The following NCBP3 variants were observed in gnomAD, a reference collection of about 807,000 sequenced individuals.
NCBP3 encodes nuclear cap-binding protein subunit 3.
Under a neutral mutation model 75.7 loss-of-function variants are expected in NCBP3, and 20 were observed. The observed-to-expected ratio is 0.26, with a 90% confidence interval of 0.19 to 0.38. The LOEUF is 0.38. NCBP3 is among the 10% of genes least tolerant of loss of function. The pLI, the probability that NCBP3 is intolerant of heterozygous loss-of-function variation, is 1.00. For synonymous variants in NCBP3, 293 were observed against 290.5 expected, an observed-to-expected ratio of 1.01 and a Z score of -0.09; for missense variants, 678 against 796.9, an observed-to-expected ratio of 0.85 and a Z score of 1.80.
intron 6 of NCBP3, 146 bp downstream of exon 6, chr17:3,825,621 T>TA (rs1385143717): frequency 1.6e-6 from 1 of 607,746 alleles, no homozygotes; most frequent in Non-Finnish European, 2.9e-6. Flanking sequence ...CACACTAACT[T>TA]AAAGGACAAG....
At position 3,832,474 on chromosome 17, in the gene NCBP3, C is replaced by CA. The variant is rs1405220584; in HGVS notation, c.356-3107dup. ...TGAAACCCCGTCTCTACTAAAAATA[C>CA]AAAACAATTAGCCAGGTGTGGTGGC... is the stretch of plus-strand genomic sequence containing the variant. On this transcript the variant is annotated intron_variant, in intron 3 of 12. Coordinates refer to ENST00000389005, the MANE Select transcript of NCBP3 (RefSeq NM_001114118.3). 8.6e-5 allele frequency among the ~76,000 whole-genome samples: 10 copies of CA among 115,920 alleles called. 3 individuals are homozygous for CA. Among genetic ancestry groups the CA allele is most frequent in the Admixed American group, 2.6e-4 (3 of 11,418 alleles). 76.0% of individuals were successfully genotyped at this position (115,920 alleles called of 152,430 possible).
At chr17:3,823,387 G>GGAT (rs2053708364) in intron 7 of NCBP3, among the ~76,000 whole-genome samples, 1 of 152,018 alleles carries the variant, frequency 6.6e-6, no homozygotes, top group African/African-American at 2.4e-5. Flanking sequence ...TGATATCCAT[G>GGAT]GATGATAACC....
At position 3,825,005 on chromosome 17, in the gene NCBP3, C is replaced by G; in HGVS notation, c.733G>C (p.Asp245His). ...GCAAGTTTGTTAGCTGGACGAAGATCGTTTCTTAACAAAGACTCCTCTTCT... is the reference window on the plus strand; with the variant it reads ...GCAAGTTTGTTAGCTGGACGAAGATGGTTTCTTAACAAAGACTCCTCTTCT... ...QVEEESLLRN[D>H]LRPANKLAKG... The change falls in exon 7 of 13, where the codon GAT (aspartate) becomes CAT (histidine). Residue 245 changes from aspartate (D) to histidine (H), a missense_variant. Asp to His is a moderately conservative substitution (Grantham distance 81). Around this residue, in one of 7 missense-constraint regions of NCBP3, gnomAD observed 98 missense variants for 101.8 expected, o/e 0.96. Transcript: ENST00000389005. The G allele has an allele frequency of 3.2e-6, 5 of 1,545,852 alleles. No individual in the cohort carries two copies. The highest frequency in any genetic ancestry group is 4.4e-6 in the Non-Finnish European group (5 of 1,144,254).
At chr17:3,839,170 T>C (rs1176422077) in intron 3 of NCBP3, among the ~76,000 whole-genome samples, 1 of 152,138 alleles carries the variant, frequency 6.6e-6, no homozygotes, top group Admixed American at 6.5e-5. Flanking sequence ...CTATATACAA[T>C]AATTCGGGGT....
At chr17:3,842,093 G>A (rs570264078) in intron 2 of NCBP3, among the ~76,000 whole-genome samples, 1 of 152,044 alleles carries the variant, frequency 6.6e-6, no homozygotes, top group Non-Finnish European at 1.5e-5. Flanking sequence ...GTGGTAATCT[G>A]GTAATAGCAA....
At chr17:3,838,281 G>A (rs745828127) in intron 3 of NCBP3, among the ~76,000 whole-genome samples, 2 of 152,258 alleles carry the variant, frequency 1.3e-5, no homozygotes, top group East Asian at 1.9e-4. Context: ...GGCATGAGCC[G>A]TATCAGAGGC....
rs183775630 is a variant in NCBP3, at chr17:3,839,012, A to G, written c.355+1088T>C. ...GCTGCCTACTAAACCCTTTATGAACACCCAAATTTGCAAATAACACAGAGG... is the reference window on the plus strand; with the variant it reads ...GCTGCCTACTAAACCCTTTATGAACGCCCAAATTTGCAAATAACACAGAGG... On this transcript the variant is annotated intron_variant, in intron 3 of 12. Transcript: ENST00000389005. Among the ~76,000 whole-genome samples the G allele has an allele frequency of 2.0e-4, 30 of 152,312 alleles. No individual in the cohort carries two copies. The East Asian group carries it at 5.6e-3, about 28-fold the overall frequency.
At chr17:3,815,752 T>G (rs906693299) in intron 11 of NCBP3, among the ~76,000 whole-genome samples, 1 of 152,100 alleles carries the variant, frequency 6.6e-6, no homozygotes, top group Non-Finnish European at 1.5e-5. Flanking sequence ...AGAGATGACT[T>G]AAAGTATATG....
chr17:3,813,875 G>A (rs1367053572), intron 12 of NCBP3, among the ~76,000 whole-genome samples: 2 of 152,092 alleles, frequency 1.3e-5, no homozygotes, highest in Non-Finnish European at 2.9e-5. Flanking sequence ...TGTTGGTTAG[G>A]CTGGTCTCGA....
At chr17:3,821,430 C>T (rs918179334) in intron 8 of NCBP3, 78 bp from the exon 9 acceptor site, 2 of 1,049,138 alleles carry the variant, frequency 1.9e-6, no homozygotes, top group Non-Finnish European at 2.7e-6. Context: ...TTTCTCTTTT[C>T]TTTTTTTTTT....
At chr17:3,826,873 C>T (rs530669486) in intron 4 of NCBP3, among the ~76,000 whole-genome samples, 15 of 151,860 alleles carry the variant, frequency 9.9e-5, no homozygotes, top group Admixed American at 7.9e-4. Context: ...ATTAGCCGGG[C>T]GTGGTGGCGG....
At chr17:3,814,610 TGC>T in intron 11 of NCBP3, 127 bp from the exon 12 acceptor site, 2 of 884,516 alleles carry the variant, frequency 2.3e-6, no homozygotes, top group Non-Finnish European at 3.4e-6. Flanking sequence ...ACAATCAGGC[TGC>T]TAAGTATTCT....
At chr17:3,828,004 T>C (rs1019620338) in intron 4 of NCBP3, among the ~76,000 whole-genome samples, 2 of 152,228 alleles carry the variant, frequency 1.3e-5, no homozygotes, top group African/African-American at 4.8e-5. Flanking sequence ...CTGCTGCCTC[T>C]GCCTCCCAGA....
chr17:3,836,014 C>T (rs911899544), intron 3 of NCBP3, among the ~76,000 whole-genome samples: 5 of 152,196 alleles, frequency 3.3e-5, no homozygotes, highest in African/African-American at 7.2e-5. Flanking sequence ...CCCAGTGAAA[C>T]GGAAATAATC....
chr17:3,811,642 T>C lies in NCBP3; in HGVS notation c.*1402A>G, dbSNP rs1423624606. ...ATGTGACCATTAGCTCCGCCACAAG[T>C]AAAGATCGACAGGATCCAGGCTGCA... On this transcript the variant is annotated 3_prime_UTR_variant, in exon 13 of 13. Transcript: ENST00000389005. The C allele has an allele frequency of 6.6e-6, 1 of 152,196 alleles. No homozygotes were observed. Among genetic ancestry groups the C allele is most frequent in the Non-Finnish European group, 1.5e-5 (1 of 68,034 alleles). 9.4% of individuals were successfully genotyped at this position (152,196 alleles called of 1,614,324 possible).
chr17:3,828,187 G>C (rs1354248700), intron 4 of NCBP3, among the ~76,000 whole-genome samples: 1 of 152,158 alleles, frequency 6.6e-6, no homozygotes, highest in Non-Finnish European at 1.5e-5. Context: ...CCAAAGTGCT[G>C]GGATTACAGG....
chr17:3,817,966 TACAC>T (rs61462832), intron 10 of NCBP3, among the ~76,000 whole-genome samples: 20 of 149,008 alleles, frequency 1.3e-4, no homozygotes, highest in African/African-American at 2.9e-4. Context: ...CCCTGTGCCA[TACAC>T]ACACACACAC....
Position 3,843,593 on chromosome 17 carries a change from C to T in NCBP3, c.184-442G>A, listed in dbSNP as rs148303117. On this transcript the variant is annotated intron_variant, in intron 1 of 12. Transcript: ENST00000389005. ...TGGAGTCTCACTCTTATCGCCTAGGCGGGAGTGCAGTGGCACAAACTCGGC... is the reference window on the plus strand; with the variant it reads ...TGGAGTCTCACTCTTATCGCCTAGGTGGGAGTGCAGTGGCACAAACTCGGC... Among the ~76,000 whole-genome samples the T allele has an allele frequency of 9.2e-4, 140 of 152,320 alleles. 1 individual carries two copies. In the East Asian group the frequency reaches 0.018, roughly 20 times the overall value.
chr17:3,820,147 A>C (rs1758116333), intron 9 of NCBP3, among the ~76,000 whole-genome samples: 1 of 152,114 alleles, frequency 6.6e-6, no homozygotes, highest in South Asian at 2.1e-4. Context: ...ACAAGGTCTC[A>C]CTATGTTGCC....
Sources: gnomAD v4.1 joint callset for allele counts (sites outside exome capture counted in the v4.1 genomes callset) on GRCh38, gnomAD v4.1.1 for gene constraint, gnomAD v4.1.1 regional missense constraint, MANE v1.5 for transcripts, NCBI Gene and HGNC (gene_info 2026-07-23, HGNC 2026-07-21) for gene names.